Variants in CHMP7 observed in about 807,000 individuals in gnomAD.
The protein encoded by CHMP7 is CHMP family, member 7.
A neutral mutation model predicts 53.7 loss-of-function variants in CHMP7; 15 were observed. The observed-to-expected ratio is 0.28, with a 90% CI of 0.19 to 0.43. The LOEUF is 0.43. Among genes scored for constraint, CHMP7 ranks in the 20% least tolerant of loss-of-function variants. The pLI, the probability that CHMP7 is intolerant of heterozygous loss-of-function variation, is 1.00. For missense variants in CHMP7, 527 were observed against 569.4 expected (o/e 0.93, Z 0.76); for synonymous variants, 261 against 228.0 (o/e 1.14, Z -1.30).
chr8:23,245,035 C>T (rs1186571160), intron 1 of CHMP7, among the ~76,000 whole-genome samples: 4 of 152,210 alleles, frequency 2.6e-5, no homozygotes, highest in Non-Finnish European at 5.9e-5. Context: ...TTTGGCAATT[C>T]TTTCATAATT....
At chr8:23,251,920 G>A (rs1040941963) in intron 3 of CHMP7, among the ~76,000 whole-genome samples, 1 of 151,974 alleles carries the variant, frequency 6.6e-6, no homozygotes, top group Non-Finnish European at 1.5e-5. Context: ...ATGCATATGT[G>A]CCTTTTCAAT....
At chr8:23,254,533 T>C (rs1028642680) in intron 3 of CHMP7, among the ~76,000 whole-genome samples, 3 of 151,490 alleles carry the variant, frequency 2.0e-5, no homozygotes, top group Non-Finnish European at 4.4e-5. Context: ...TAGCTGGGAT[T>C]ACAGGTGCCC....
chr8:23,257,217 C>T (rs564583974), intron 5 of CHMP7, among the ~76,000 whole-genome samples: 294 of 151,990 alleles, frequency 1.9e-3, no homozygotes, highest in Non-Finnish European at 2.6e-3. Context: ...CCGCCTTAGC[C>T]TCCTGAGTAG....
Position 23,261,547 on chromosome 8 carries a change from G to C in CHMP7, c.*948G>C. ...GTTTCATTTTGTGGCCTACTGCTCGGGGCAGGGGGGCTGAGCCAGGATGTG... is the reference window on the plus strand; with the variant it reads ...GTTTCATTTTGTGGCCTACTGCTCGCGGCAGGGGGGCTGAGCCAGGATGTG... On this transcript the variant is annotated 3_prime_UTR_variant, in exon 11 of 11. Coordinates refer to ENST00000397677, the MANE Select transcript of CHMP7 (RefSeq NM_152272.5). 6.5e-6 allele frequency: 1 copy of C among 152,944 alleles called. No individual in the cohort carries two copies. Among genetic ancestry groups the C allele is most frequent in the Non-Finnish European group, 1.5e-5 (1 of 68,236 alleles). 9.5% of individuals were successfully genotyped at this position (152,944 alleles called of 1,614,324 possible). A position where few individuals can be genotyped will look rare whatever the true frequency, so the allele number is the denominator to read the frequency against.
At chr8:23,247,675 G>T (rs755346613) in intron 2 of CHMP7, among the ~76,000 whole-genome samples, 1 of 152,168 alleles carries the variant, frequency 6.6e-6, no homozygotes, top group Admixed American at 6.5e-5. Context: ...GACCCACTCA[G>T]CGGTCTTGTG....
intron 1 of CHMP7, among the ~76,000 whole-genome samples, chr8:23,245,523 C>G (rs1290597226): frequency 6.6e-6 from 1 of 152,180 alleles, no homozygotes; most frequent in African/African-American, 2.4e-5. Context: ...TTTCAATTTG[C>G]TAACATTCTA....
chr8:23,249,822 C>T (rs1801848468), intron 3 of CHMP7, among the ~76,000 whole-genome samples: 1 of 152,156 alleles, frequency 6.6e-6, no homozygotes, highest in Non-Finnish European at 1.5e-5. Context: ...CCTTCTGCTG[C>T]ACATGCTCTT....
At position 23,261,039 on chromosome 8, in the gene CHMP7, A is replaced by T. The variant is rs1802365202; in HGVS notation, c.*440A>T. ...GTCGCTAATGTCAGTTAAATAGCTT[A>T]TTCCTGTCCCACTTGATTTCACTGG... On this transcript the variant is annotated 3_prime_UTR_variant, in exon 11 of 11. Coordinates refer to ENST00000397677, the MANE Select transcript of CHMP7 (RefSeq NM_152272.5). The T allele has an allele frequency of 5.7e-6, 1 of 175,392 alleles. No homozygotes were observed. The highest frequency in any genetic ancestry group is 2.4e-5 in the African/African-American group (1 of 42,126). The allele number at this position is 175,392 out of a possible 1,614,324, so 10.9% of individuals were successfully genotyped here. A position where few individuals can be genotyped will look rare whatever the true frequency, so the allele number is the denominator to read the frequency against.
chr8:23,246,729 G>C lies in CHMP7; in HGVS notation c.34G>C (p.Ala12Pro). The stretch of plus-strand genomic sequence containing the variant: ...CCCGGAGCGGGAGGCCGAGGCCCCA[G>C]CCGGGGGAGACCCGGCGGGCCTTCT... ...WSPEREAEAP[A>P]GGDPAGLLPP... Residue 12 changes from alanine to proline, a missense_variant, in exon 2 of 11, where the codon GCC (alanine) becomes CCC (proline). By Grantham distance (27) the Ala-to-Pro change is conservative. Coordinates refer to ENST00000397677, the MANE Select transcript of CHMP7 (RefSeq NM_152272.5). 6.4e-7 allele frequency: 1 copy of C among 1,550,560 alleles called. No individual in the cohort carries two copies. The highest frequency in any genetic ancestry group is 8.7e-7 in the Non-Finnish European group (1 of 1,147,408).
chr8:23,249,171 T>G, intron 2 of CHMP7, 39 bp from the exon 3 acceptor site: 1 of 1,512,406 alleles, frequency 6.6e-7, no homozygotes, highest in South Asian at 1.3e-5. Context: ...GGACATTGCA[T>G]TAAGTGCTAC....
At chr8:23,259,265 T>C (rs1430787105) in intron 9 of CHMP7, 139 bp downstream of exon 9, 3 of 431,624 alleles carry the variant, frequency 7.0e-6, no homozygotes, top group Non-Finnish European at 8.3e-6. Context: ...GCCTCCCGGG[T>C]TCACGCCATT....
Position 23,260,681 on chromosome 8 carries a change from C to G in CHMP7, c.*82C>G. ...CATAGTTATTTAAACAAGAAACTCT[C>G]AGAATGTGTTTGGAAGAGGAGAAAG... On this transcript the variant is annotated 3_prime_UTR_variant, in exon 11 of 11. Coordinates refer to ENST00000397677, the MANE Select transcript of CHMP7 (RefSeq NM_152272.5). 1.8e-6 allele frequency: 2 copies of G among 1,097,226 alleles called. No homozygotes were observed. The highest frequency in any genetic ancestry group is 1.3e-5 in the South Asian group (1 of 79,824). 68.0% of individuals were successfully genotyped at this position (1,097,226 alleles called of 1,614,324 possible).
intron 10 of CHMP7, 86 bp from the exon 11 acceptor site, chr8:23,260,452 A>G: frequency 6.6e-7 from 1 of 1,512,420 alleles, no homozygotes; most frequent in Non-Finnish European, 9.2e-7. Context: ...GGTTGTTTAT[A>G]TTAAGACTCA....
At position 23,260,707 on chromosome 8, in the gene CHMP7, G is replaced by A. The variant is rs1423971701; in HGVS notation, c.*108G>A. ...AGAATGTGTTTGGAAGAGGAGAAAG[G>A]AGAACCACTGATTTTATCTGGATGC... On this transcript the variant is annotated 3_prime_UTR_variant, in exon 11 of 11. Coordinates refer to ENST00000397677, the MANE Select transcript of CHMP7 (RefSeq NM_152272.5). 3.4e-6 allele frequency: 3 copies of A among 870,302 alleles called. No homozygotes were observed. The highest frequency in any genetic ancestry group is 5.8e-6 in the Non-Finnish European group (3 of 520,520). The allele number at this position is 870,302 out of a possible 1,614,324, so 53.9% of individuals were successfully genotyped here.
rs1266838724 is a variant in CHMP7 at position 23,246,758 on chromosome 8, C to T, written c.63C>T (p.Pro21=). ...GGGGAGACCCGGCGGGCCTTCTGCCCCCCGAGTGGGAGGAGGACGAGGAGC... is the reference window on the plus strand; with the variant it reads ...GGGGAGACCCGGCGGGCCTTCTGCCTCCCGAGTGGGAGGAGGACGAGGAGC... ...PAGGDPAGLL[P]PEWEEDEERM... is the part of the protein sequence containing the mutation. Residue 21 remains proline (P), a synonymous_variant, in exon 2 of 11, where the codon CCC becomes CCT. Transcript: ENST00000397677. The T allele has an allele frequency of 1.9e-6, 3 of 1,556,954 alleles. No homozygotes were observed. Among genetic ancestry groups the T allele is most frequent in the Admixed American group, 1.9e-5 (1 of 51,546 alleles).
At position 23,249,248 on chromosome 8, in the gene CHMP7, G is replaced by C. The variant is rs1301020511; in HGVS notation, c.338G>C (p.Ser113Thr). ...CAGCGGGAGTCAGACTTCATGGCCA[G>C]TGTAGACAGCAGCTGGATCTCCTGG... Reference protein sequence around the residue: ...ELQRESDFMASVDSSWISWGV... With the variant: ...ELQRESDFMATVDSSWISWGV... The change falls in exon 3 of 11, where the codon AGT becomes ACT. Residue 113 changes from serine to threonine, a missense_variant. Coordinates refer to ENST00000397677, the MANE Select transcript of CHMP7 (RefSeq NM_152272.5). The C allele has an allele frequency of 3.1e-6, 5 of 1,609,578 alleles. No individual in the cohort carries two copies. The highest frequency in any genetic ancestry group is 4.2e-6 in the Non-Finnish European group (5 of 1,178,078).
In CHMP7 at chr8:23,258,653, C is replaced by T; in HGVS notation, c.961-79C>T. Reference sequence around the variant, plus strand: ...TGCCAAAAAAAACACCCCAAAGCTGCCTTTTGGAGTTGAAACAATATTGTA... The same window carrying T: ...TGCCAAAAAAAACACCCCAAAGCTGTCTTTTGGAGTTGAAACAATATTGTA... On this transcript the variant is annotated intron_variant, in intron 7 of 10. Transcript: ENST00000397677. 4 of 1,248,970 alleles carry T rather than the reference C, an allele frequency of 3.2e-6. No homozygotes were observed. In the Admixed American group the frequency reaches 5.6e-5, roughly 17 times the overall value. The allele number at this position is 1,248,970 out of a possible 1,614,324, so 77.4% of individuals were successfully genotyped here. A position where few individuals can be genotyped will look rare whatever the true frequency, so the allele number is the denominator to read the frequency against.
chr8:23,249,443 C>A lies in CHMP7; in HGVS notation c.471+62C>A, dbSNP rs185659230. 2.0e-3 allele frequency: 2,730 copies of A among 1,339,370 alleles called. 6 individuals carry two copies. The highest frequency in any genetic ancestry group is 3.5e-3 in the Admixed American group (134 of 38,834). The allele number at this position is 1,339,370 out of a possible 1,614,324, so 83.0% of individuals were successfully genotyped here. ...GTGTGATCACAGCATCCTCCACGTC[C>A]CTTGTGTGCGTTCTTGAAAAAAGAC... On this transcript the variant is annotated intron_variant, in intron 3 of 10. Coordinates refer to ENST00000397677, the MANE Select transcript of CHMP7 (RefSeq NM_152272.5).
chr8:23,252,038 G>A (rs1390659703), intron 3 of CHMP7, among the ~76,000 whole-genome samples: 1 of 149,894 alleles, frequency 6.7e-6, no homozygotes, highest in Non-Finnish European at 1.5e-5. Flanking sequence ...AGCACGGGAT[G>A]ACATCAGTCT....
Sources: gnomAD v4.1 joint callset for allele counts (sites outside exome capture counted in the v4.1 genomes callset) on GRCh38, gnomAD v4.1.1 for gene constraint, MANE v1.5 for transcripts, NCBI Gene and HGNC (gene_info 2026-07-23, HGNC 2026-07-21) for gene names.